SLC10A7: variants seen among roughly 807,000 people sequenced by gnomAD.
SLC10A7 encodes the protein sodium/bile acid cotransporter 7.
In SLC10A7, 29 loss-of-function variants were observed where a neutral mutation model predicts 43.2. The ratio of observed to expected loss-of-function variants is 0.67; its 90% CI spans 0.50 to 0.92. SLC10A7 has a LOEUF of 0.92. Ranked by LOEUF, SLC10A7 falls within the 40% of genes least tolerant of loss-of-function variation. SLC10A7 has a pLI of 0.00. For synonymous variants in SLC10A7, 152 were observed against 144.8 expected (o/e 1.05, Z -0.35); for missense variants, 295 against 403.2 (o/e 0.73, Z 2.30).
At chr4:146,265,347 T>A (rs1728487238) in intron 10 of SLC10A7, among the ~76,000 whole-genome samples, 1 of 152,250 alleles carries the variant, frequency 6.6e-6, no homozygotes, top group Non-Finnish European at 1.5e-5. Context: ...CCAATTGCTA[T>A]CACTGGCTCA....
chr4:146,359,452 T>C (rs867905641), intron 5 of SLC10A7, among the ~76,000 whole-genome samples: 1 of 152,174 alleles, frequency 6.6e-6, no homozygotes, highest in Non-Finnish European at 1.5e-5. Flanking sequence ...TGTTCACCTA[T>C]GTTTTTTTCT....
intron 10 of SLC10A7, among the ~76,000 whole-genome samples, chr4:146,271,117 C>G (rs1223178142): frequency 6.6e-6 from 1 of 152,200 alleles, no homozygotes; most frequent in African/African-American, 2.4e-5. Context: ...TTTCTCTACA[C>G]ATTCCCTTAG....
chr4:146,397,530 G>A (rs1219756894), intron 5 of SLC10A7, among the ~76,000 whole-genome samples: 7 of 152,094 alleles, frequency 4.6e-5, no homozygotes. Flanking sequence ...TCTGCACGAG[G>A]GATAGTTTGC....
intron 4 of SLC10A7, among the ~76,000 whole-genome samples, chr4:146,494,323 C>CGG (rs1211303527): frequency 2.6e-5 from 4 of 152,186 alleles, no homozygotes; most frequent in Non-Finnish European, 5.9e-5. Context: ...CAAGGTCAGG[C>CGG]GGCCTATCAG....
chr4:146,353,462 G>A (rs1735301104), intron 5 of SLC10A7, among the ~76,000 whole-genome samples: 2 of 137,782 alleles, frequency 1.5e-5, no homozygotes, highest in Admixed American at 7.5e-5. Context: ...AGAGGTACAA[G>A]GAGGAACTGG....
At chr4:146,504,239 G>T (rs961914660) in intron 3 of SLC10A7, among the ~76,000 whole-genome samples, 2 of 152,084 alleles carry the variant, frequency 1.3e-5, no homozygotes, top group Admixed American at 6.6e-5. Context: ...ACCAAAATGG[G>T]CAGGGCTCGG....
intron 5 of SLC10A7, among the ~76,000 whole-genome samples, chr4:146,440,751 CTCTCTGGTAAT>C (rs1440847056): frequency 6.6e-6 from 1 of 152,118 alleles, no homozygotes; most frequent in East Asian, 1.9e-4. Context: ...CTCTCAAACT[CTCTCTGGTAAT>C]TTTCAACTTT....
At chr4:146,351,687 T>TC (rs1735119629) in intron 5 of SLC10A7, among the ~76,000 whole-genome samples, 1 of 151,654 alleles carries the variant, frequency 6.6e-6, no homozygotes, top group Admixed American at 6.6e-5. Flanking sequence ...AGCGGATCTC[T>TC]TGGCAGAAAC....
At chr4:146,495,373 T>C (rs1292737362) in intron 4 of SLC10A7, among the ~76,000 whole-genome samples, 1 of 152,190 alleles carries the variant, frequency 6.6e-6, no homozygotes, top group Admixed American at 6.5e-5. Flanking sequence ...GCTGATTAGA[T>C]CTACTCTAAC....
At chr4:146,292,583 A>G (rs1172182115) in intron 9 of SLC10A7, among the ~76,000 whole-genome samples, 1 of 152,228 alleles carries the variant, frequency 6.6e-6, no homozygotes, top group African/African-American at 2.4e-5. Flanking sequence ...TCAAGTAAAG[A>G]TATCTAAATG....
chr4:146,301,483 G>C (rs1333435123), intron 7 of SLC10A7, among the ~76,000 whole-genome samples: 1 of 152,190 alleles, frequency 6.6e-6, no homozygotes, highest in Non-Finnish European at 1.5e-5. Flanking sequence ...TTTTTAAGGA[G>C]AGGAATAATA....
At chr4:146,281,712 A>G (rs1729569653) in intron 10 of SLC10A7, among the ~76,000 whole-genome samples, 2 of 152,144 alleles carry the variant, frequency 1.3e-5, no homozygotes, top group South Asian at 2.1e-4. Context: ...ACTAAAATAC[A>G]CTTGTTACAT....
chr4:146,290,017 T>G (rs1278301818), intron 9 of SLC10A7, among the ~76,000 whole-genome samples: 1 of 148,144 alleles, frequency 6.8e-6, no homozygotes, highest in Non-Finnish European at 1.5e-5. Context: ...CCCAGCCAGA[T>G]TTTTTTAAAA....
intron 5 of SLC10A7, among the ~76,000 whole-genome samples, chr4:146,388,458 CTA>C (rs1738165213): frequency 6.6e-6 from 1 of 152,036 alleles, no homozygotes; most frequent in African/African-American, 2.4e-5. Context: ...AAACCTGAAA[CTA>C]TAAAAATCCT....
At position 146,267,053 on chromosome 4, in the gene SLC10A7, G is replaced by A. The variant is rs145680760; in HGVS notation, c.848-8216C>T. The stretch of plus-strand genomic sequence containing the variant: ...ATTTAATAGGGAGACAAGACAGACT[G>A]TACCATGCCAAAGTTACACAAAGAG... On this transcript the variant is annotated intron_variant, in intron 10 of 11. Coordinates refer to ENST00000335472, the MANE Select transcript of SLC10A7 (RefSeq NM_001029998.6). 3.8e-3 allele frequency among the ~76,000 whole-genome samples: 583 copies of A among 152,228 alleles called. 2 individuals are homozygous for A. Among genetic ancestry groups the A allele is most frequent in the African/African-American group, 0.013 (532 of 41,542 alleles).
At chr4:146,262,726 T>C (rs987172678) in intron 10 of SLC10A7, among the ~76,000 whole-genome samples, 1 of 152,218 alleles carries the variant, frequency 6.6e-6, no homozygotes, top group African/African-American at 2.4e-5. Flanking sequence ...GGGTGACCAC[T>C]CACACCTCCA....
chr4:146,403,550 C>T (rs1414144705), intron 5 of SLC10A7, among the ~76,000 whole-genome samples: 1 of 152,130 alleles, frequency 6.6e-6, no homozygotes, highest in Non-Finnish European at 1.5e-5. Context: ...CCCAAGGCTA[C>T]ATTTCATATA....
intron 4 of SLC10A7, among the ~76,000 whole-genome samples, chr4:146,488,449 T>A (rs1159792030): frequency 6.6e-6 from 1 of 151,650 alleles, no homozygotes; most frequent in African/African-American, 2.4e-5. Context: ...TTTTCCCACA[T>A]GAGATATTTA....
chr4:146,454,309 G>T (rs1413203776), intron 4 of SLC10A7, among the ~76,000 whole-genome samples: 1 of 151,766 alleles, frequency 6.6e-6, no homozygotes, highest in Non-Finnish European at 1.5e-5. Context: ...GTCTTCAAAG[G>T]TGTTCAATTT....
Sources: allele counts gnomAD v4.1 joint callset (sites outside exome capture counted in the v4.1 genomes callset), GRCh38; gene constraint gnomAD v4.1.1; transcripts MANE v1.5; gene names NCBI Gene and HGNC (gene_info 2026-07-23, HGNC 2026-07-21).